Variants in TXNRD2 observed in about 807,000 individuals in gnomAD.
TXNRD2 encodes the protein thioredoxin reductase 2, also known as thioredoxin reductase 2, mitochondrial.
Under a neutral mutation model 70.8 loss-of-function variants are expected in TXNRD2, and 67 were observed. That is an observed-to-expected ratio of 0.95 (90% CI 0.78 to 1.16). The LOEUF (loss-of-function observed/expected upper bound fraction) is 1.16, where lower values mean the gene tolerates loss of function less well. Ranked by LOEUF, TXNRD2 falls within the 50% of genes most tolerant of loss-of-function variation. The pLI is 0.00. For synonymous variants in TXNRD2, 301 were observed against 295.8 expected (o/e 1.02, Z -0.18); for missense variants, 644 against 719.9 (o/e 0.89, Z 1.21).
intron 15 of TXNRD2, 83 bp downstream of exon 15, chr22:19,878,283 G>A: frequency 1.3e-6 from 2 of 1,591,542 alleles, no homozygotes; most frequent in Non-Finnish European, 8.6e-7. Context: ...CATGGGTGGG[G>A]CCAGTCCTCG....
intron 7 of TXNRD2, among the ~76,000 whole-genome samples, chr22:19,912,802 G>T (rs1164038231): frequency 6.6e-6 from 1 of 152,228 alleles, no homozygotes; most frequent in Non-Finnish European, 1.5e-5. Context: ...AAGGACTGGG[G>T]GTGCTTGTGC....
At chr22:19,892,296 T>C (rs1284059607) in intron 11 of TXNRD2, among the ~76,000 whole-genome samples, 1 of 152,252 alleles carries the variant, frequency 6.6e-6, no homozygotes. Context: ...AAGTGGCTCC[T>C]GAATGTTTAC....
At chr22:19,939,072 T>C (rs1035272588) in intron 1 of TXNRD2, among the ~76,000 whole-genome samples, 2 of 152,186 alleles carry the variant, frequency 1.3e-5, no homozygotes, top group African/African-American at 4.8e-5. Flanking sequence ...GAAGAGGGTA[T>C]GCTTGTGTTT....
Position 19,895,592 on chromosome 22 carries a change from CAAG to C in TXNRD2, c.775-14_775-12del, listed in dbSNP as rs1174654524. 1.9e-6 allele frequency: 3 copies of C among 1,608,902 alleles called. No homozygotes were observed. The highest frequency in any genetic ancestry group is 2.2e-5 in the South Asian group (2 of 91,086). The stretch of plus-strand genomic sequence containing the variant: ...CATGGAGGACATTTGCTGCAAAGCA[CAAG>C]AAGACAGGCCATGAAGACCAGGTGG... On this transcript the variant is annotated splice_polypyrimidine_tract_variant and intron_variant, in intron 10 of 17. Transcript: ENST00000400521.
At chr22:19,915,933 TC>T in intron 5 of TXNRD2, 90 bp from the exon 6 acceptor site, 2 of 1,213,028 alleles carry the variant, frequency 1.6e-6, no homozygotes, top group Non-Finnish European at 1.2e-6. Flanking sequence ...AAAAGGGAGC[TC>T]CAGCCCCCAG....
intron 2 of TXNRD2, among the ~76,000 whole-genome samples, chr22:19,927,651 C>CA (rs149665821): frequency 0.067 from 4,573 of 68,010 alleles, 167 homozygotes; most frequent in Non-Finnish European, 0.091. Context: ...GACCTTGTCT[C>CA]AAAAAAAAAA....
In TXNRD2 at chr22:19,941,736, G is replaced by A. The variant is rs532340383; in HGVS notation, c.68C>T (p.Ala23Val). 2 of 1,492,076 alleles carry A rather than the reference G, an allele frequency of 1.3e-6. No homozygotes were observed. The highest frequency in any genetic ancestry group is 2.8e-5 in the East Asian group (1 of 35,798). 92.4% of individuals were successfully genotyped at this position (1,492,076 alleles called of 1,614,324 possible). ...CCGCGCCGCGCCCCGCACCCCGCCCGCCACGGCCTGCGTCCGCCACCGGAA... is the reference window on the plus strand; with the variant it reads ...CCGCGCCGCGCCCCGCACCCCGCCCACCACGGCCTGCGTCCGCCACCGGAA... The part of the protein sequence containing the change: ...GRFRWRTQAV[A>V]GGVRGAARGA... Residue 23 changes from alanine (A) to valine (V), a missense_variant, in exon 1 of 18, where the codon GCG becomes GTG. This residue lies in a region of TXNRD2 where 71 missense variants were observed against 53.6 expected (regional missense o/e 1.33). Transcript: ENST00000400521.
chr22:19,932,176 A>G (rs1159561714), intron 1 of TXNRD2, among the ~76,000 whole-genome samples: 1 of 151,232 alleles, frequency 6.6e-6, no homozygotes, highest in Non-Finnish European at 1.5e-5. Flanking sequence ...AAAAAAAAAA[A>G]AAAAGAATAA....
Position 19,880,264 on chromosome 22 carries a change from G to C in TXNRD2, c.1190C>G (p.Thr397Arg). 1 of 1,613,524 alleles carries C rather than the reference G, an allele frequency of 6.2e-7. No homozygotes were observed. Among genetic ancestry groups the C allele is most frequent in the Non-Finnish European group, 8.5e-7 (1 of 1,179,988 alleles). The change falls in exon 14 of 18, where the codon ACG (threonine) becomes AGG (arginine). Residue 397 changes from threonine to arginine, a missense_variant. By Grantham distance (71) the Thr-to-Arg change is moderately conservative. Around this residue, in one of 3 missense-constraint regions of TXNRD2, gnomAD observed 566 missense variants for 645.0 expected, o/e 0.88. Coordinates refer to ENST00000400521, the MANE Select transcript of TXNRD2 (RefSeq NM_006440.5). ...ATACTCCAGCGGGGTGAAGACGGTC[G>C]TGGGAACCTGAAAGCAGGTCTGGAG... ...SDLMDYDNVP[T>R]TVFTPLEYGC...
chr22:19,912,295 G>A (rs1878), intron 7 of TXNRD2, among the ~76,000 whole-genome samples: 44,942 of 152,194 alleles, frequency 0.3, 7,290 homozygotes, highest in East Asian at 0.65. Flanking sequence ...AAGGAAAACC[G>A]AAAGGTCTGG....
intron 2 of TXNRD2, among the ~76,000 whole-genome samples, chr22:19,923,573 G>A (rs1940998381): frequency 6.6e-6 from 1 of 152,164 alleles, no homozygotes; most frequent in Non-Finnish European, 1.5e-5. Context: ...GATCACCTGA[G>A]GTCAGGAGTT....
chr22:19,932,258 G>A, intron 1 of TXNRD2: 1 of 1,604,646 alleles, frequency 6.2e-7, no homozygotes. Context: ...CCCAGCTGCA[G>A]TCAGCTAGGA....
intron 8 of TXNRD2, among the ~76,000 whole-genome samples, chr22:19,901,408 G>A (rs1010382095): frequency 6.6e-6 from 1 of 152,238 alleles, no homozygotes; most frequent in African/African-American, 2.4e-5. Flanking sequence ...ATATTCCCGA[G>A]TGGGCATCCT....
At chr22:19,933,547 G>T in intron 1 of TXNRD2, 1 of 1,280,878 alleles carries the variant, frequency 7.8e-7, no homozygotes, top group Non-Finnish European at 1.0e-6. Flanking sequence ...AGGGTGAGCA[G>T]CTGTCTGTAT....
At chr22:19,881,298 A>G (rs1259211603) in intron 12 of TXNRD2, 4 of 391,356 alleles carry the variant, frequency 1.0e-5, no homozygotes, top group Non-Finnish European at 1.4e-5. Context: ...CAGGAAATGC[A>G]GATGTTGTTT....
At chr22:19,934,382 G>GAAAAA (rs35669821) in intron 1 of TXNRD2, among the ~76,000 whole-genome samples, 10,083 of 93,396 alleles carry the variant, frequency 0.11, 752 homozygotes, top group Non-Finnish European at 0.14. Context: ...CTCTGTCTCA[G>GAAAAA]AAAAAAAAAA....
At chr22:19,911,587 C>T in intron 7 of TXNRD2, 140 bp from the exon 8 acceptor site, 2 of 728,352 alleles carry the variant, frequency 2.7e-6, no homozygotes, top group Non-Finnish European at 5.0e-6. Context: ...GCTGCCAGTC[C>T]TTGTCTGCAG....
At chr22:19,919,028 T>A in intron 3 of TXNRD2, 24 bp from the exon 4 acceptor site, 1 of 1,603,254 alleles carries the variant, frequency 6.2e-7, no homozygotes, top group South Asian at 1.1e-5. Context: ...AGAGCACATT[T>A]GAATTTATGT....
intron 1 of TXNRD2, among the ~76,000 whole-genome samples, chr22:19,934,913 T>C (rs1467732190): frequency 6.6e-6 from 1 of 152,218 alleles, no homozygotes; most frequent in Non-Finnish European, 1.5e-5. Context: ...CTCTTAATCC[T>C]GTTATCTTCA....
Sources: allele counts gnomAD v4.1 joint callset (sites outside exome capture counted in the v4.1 genomes callset), GRCh38; gene constraint gnomAD v4.1.1; regional missense constraint gnomAD v4.1.1; transcripts MANE v1.5; gene names NCBI Gene and HGNC (gene_info 2026-07-23, HGNC 2026-07-21).